DMD: variants seen among roughly 807,000 people sequenced by gnomAD.
DMD encodes the protein dystrophin, also known as mutant dystrophin.
A neutral mutation model predicts 330.1 loss-of-function variants in DMD; 63 were observed. The ratio of observed to expected loss-of-function variants is 0.19; its 90% CI spans 0.16 to 0.24. DMD has a LOEUF of 0.24. Among genes scored for constraint, DMD ranks in the 10% least tolerant of loss-of-function variants. DMD has a pLI of 1.00. For missense variants in DMD, 3,344 were observed against 2,684.1 expected (o/e 1.25, Z -5.43); for synonymous variants, 1,223 against 959.8 (o/e 1.27, Z -5.07).
chrX:32,105,521 T>G (rs2096560266), intron 44 of DMD, among the ~76,000 whole-genome samples: 2 of 112,181 alleles, frequency 1.8e-5, no homozygotes, highest in South Asian at 7.3e-4. Flanking sequence ...TGTTTGCTCT[T>G]ATACACATTT....
intron 41 of DMD, among the ~76,000 whole-genome samples, chrX:32,312,630 C>G (rs2097566814): frequency 9.1e-6 from 1 of 109,450 alleles, no homozygotes; most frequent in African/African-American, 3.3e-5. Context: ...GCCAATGAAT[C>G]CAGGAGCTGG....
chrX:31,169,626 G>A, intron 73 of DMD, 25 bp from the exon 74 acceptor site: 1 of 1,179,343 alleles, frequency 8.5e-7, no homozygotes, highest in Non-Finnish European at 1.1e-6. Context: ...CAAAGGTTTT[G>A]GTTTTTTCCC....
At chrX:31,131,635 G>T (rs774490120) in intron 77 of DMD, among the ~76,000 whole-genome samples, 2 of 111,455 alleles carry the variant, frequency 1.8e-5, no homozygotes, top group South Asian at 7.6e-4. Context: ...AGATTCTCAA[G>T]AATTTCTGCT....
chrX:32,118,471 A>C (rs1302421376), intron 44 of DMD, among the ~76,000 whole-genome samples: 1 of 110,716 alleles, frequency 9.0e-6, no homozygotes, highest in Non-Finnish European at 1.9e-5. Context: ...AACCCAAGGA[A>C]CTTCTCCCCC....
intron 63 of DMD, among the ~76,000 whole-genome samples, chrX:31,252,701 A>G (rs772338582): frequency 3.8e-3 from 278 of 73,675 alleles, no homozygotes; most frequent in Non-Finnish European, 6.0e-3. Flanking sequence ...TGCTACACAA[A>G]TAAAGTACAA....
At chrX:32,024,414 G>C (rs765676963) in intron 44 of DMD, among the ~76,000 whole-genome samples, 2 of 107,518 alleles carry the variant, frequency 1.9e-5, no homozygotes, top group Non-Finnish European at 3.8e-5. Context: ...GAACCTGGTG[G>C]GGGCAGAGGT....
intron 50 of DMD, among the ~76,000 whole-genome samples, chrX:31,819,123 C>T (rs2092699618): frequency 8.9e-6 from 1 of 111,767 alleles, no homozygotes; most frequent in Non-Finnish European, 1.9e-5. Context: ...GTTTTCTGGC[C>T]TCTTTCCCCT....
intron 49 of DMD, among the ~76,000 whole-genome samples, chrX:31,822,652 GGGTGTGTGTGTGTGTGT>G (rs1160073487): frequency 1.6e-4 from 11 of 68,386 alleles, no homozygotes; most frequent in Non-Finnish European, 2.4e-4. Flanking sequence ...AAAGGCAGAG[GGGTGTGTGTGTGTGTGT>G]GTGTGTGTGT....
chrX:33,230,859 C>A (rs1211051678), intron 1 of DMD, among the ~76,000 whole-genome samples: 1 of 110,200 alleles, frequency 9.1e-6, no homozygotes, highest in Non-Finnish European at 1.9e-5. Flanking sequence ...GGTAGGTATG[C>A]AAAGACCCTG....
chrX:32,581,259 A>G (rs1016193573), intron 13 of DMD, among the ~76,000 whole-genome samples: 5 of 112,533 alleles, frequency 4.4e-5, no homozygotes, highest in African/African-American at 1.3e-4. Context: ...AATAAAATGC[A>G]TAAGATAATG....
At chrX:33,094,822 A>C (rs907970463) in intron 1 of DMD, among the ~76,000 whole-genome samples, 1 of 108,939 alleles carries the variant, frequency 9.2e-6, no homozygotes, top group South Asian at 3.9e-4. Context: ...AAAAAAAAAA[A>C]GAAAAAAAAG....
chrX:32,696,710 T>G (rs2063681729), intron 9 of DMD, among the ~76,000 whole-genome samples: 1 of 110,769 alleles, frequency 9.0e-6, no homozygotes, highest in Non-Finnish European at 1.9e-5. Context: ...CCCTATATCT[T>G]TGCTTGGTGT....
chrX:33,051,644 C>CTTTTTTTTTTTTTTTTTTTTT (rs1569551755), intron 1 of DMD, among the ~76,000 whole-genome samples: 4 of 80,701 alleles, frequency 5.0e-5, no homozygotes, highest in African/African-American at 2.4e-4. Context: ...TAATTACGCT[C>CTTTTTTTTTTTTTTTTTTTTT]TATTTTTTTT....
intron 63 of DMD, among the ~76,000 whole-genome samples, chrX:31,242,732 G>GTC (rs1316800989): frequency 9.1e-6 from 1 of 109,477 alleles, no homozygotes; most frequent in Non-Finnish European, 1.9e-5. Context: ...GTGTGTGTGT[G>GTC]TGTCATATAT....
intron 5 of DMD, among the ~76,000 whole-genome samples, chrX:32,818,746 T>C (rs989293670): frequency 9.1e-6 from 1 of 110,262 alleles, no homozygotes; most frequent in Non-Finnish European, 1.9e-5. Flanking sequence ...AGCTTCTAGT[T>C]GTTAGTTCTC....
intron 44 of DMD, among the ~76,000 whole-genome samples, chrX:32,085,752 A>AAAAGT (rs2096434456): frequency 9.2e-6 from 1 of 109,018 alleles, no homozygotes; most frequent in African/African-American, 3.3e-5. Flanking sequence ...TTTCTCTAGA[A>AAAAGT]AAAGTATAAA....
intron 60 of DMD, among the ~76,000 whole-genome samples, chrX:31,380,078 C>T (rs998740510): frequency 1.9e-4 from 21 of 110,674 alleles, no homozygotes; most frequent in Admixed American, 3.8e-4. Context: ...TTAATCAATA[C>T]GGAGGCTACC....
intron 61 of DMD, among the ~76,000 whole-genome samples, chrX:31,338,309 C>CAAAAAAAAAAAAA (rs752828727): frequency 1.9e-5 from 1 of 53,370 alleles, no homozygotes; most frequent in Non-Finnish European, 3.3e-5. Context: ...AGTAAAAATA[C>CAAAAAAAAAAAAA]AAAAAAAAAA....
intron 48 of DMD, among the ~76,000 whole-genome samples, chrX:31,854,278 C>T (rs759408869): frequency 5.9e-4 from 66 of 111,632 alleles, no homozygotes; most frequent in African/African-American, 2.1e-3. Flanking sequence ...TAGTCTAAAA[C>T]GGCAGCACAT....
Sources: allele counts gnomAD v4.1 joint callset (sites outside exome capture counted in the v4.1 genomes callset), GRCh38; gene constraint gnomAD v4.1.1; transcripts MANE v1.5; gene names NCBI Gene and HGNC (gene_info 2026-07-23, HGNC 2026-07-21).